KREMEN1: variants seen among roughly 807,000 people sequenced by gnomAD.
KREMEN1 encodes kremen protein 1.
In KREMEN1, 30 loss-of-function variants were observed where a neutral mutation model predicts 46.5. That is an observed-to-expected ratio of 0.65 (90% confidence interval 0.48 to 0.88). The LOEUF is 0.88. Ranked by LOEUF, KREMEN1 falls within the 40% of genes least tolerant of loss-of-function variation. The probability of loss-of-function intolerance (pLI) is 0.00; values close to 1 mark genes in which losing one functional copy is unlikely to be tolerated. For synonymous variants in KREMEN1, 214 were observed against 230.6 expected (o/e 0.93, Z 0.65); for missense variants, 533 against 596.9 (o/e 0.89, Z 1.11).
rs2038775709 is a variant in KREMEN1 at position 29,142,228 on chromosome 22, C to CG, written c.*116_*117insG. On this transcript the variant is annotated 3_prime_UTR_variant, in exon 9 of 9. Coordinates refer to ENST00000400335, the MANE Select transcript of KREMEN1 (RefSeq NM_001039570.3). ...TCCCCTCCTCTCCCTCTGCCTCGGC[C>CG]TCTTCGGGGAAACCCTCCTCCTACA... 7.2e-7 allele frequency: 1 copy of CG among 1,397,608 alleles called. No homozygotes were observed. The highest frequency in any genetic ancestry group is 1.5e-5 in the African/African-American group (1 of 67,806). 86.6% of individuals were successfully genotyped at this position (1,397,608 alleles called of 1,614,324 possible).
intron 9 of KREMEN1, among the ~76,000 whole-genome samples, chr22:29,152,306 C>T (rs1341025954): frequency 6.6e-6 from 1 of 152,200 alleles, no homozygotes; most frequent in Non-Finnish European, 1.5e-5. Flanking sequence ...TCTCCAGATC[C>T]AGGACAGCTG....
chr22:29,164,510 G>A (rs144967796), intron 9 of KREMEN1, among the ~76,000 whole-genome samples: 281 of 152,220 alleles, frequency 1.8e-3, no homozygotes, highest in African/African-American at 6.4e-3. Context: ...AGGAACTGGA[G>A]GCCAAGGCAG....
In KREMEN1 at chr22:29,137,518, G is replaced by A. The variant is rs1208119541; in HGVS notation, c.808G>A (p.Val270Met). ...TGACATCAGGGACTCGGCGGACATGGTGGAGCTTCTGGATGGCTACACCCA... is the reference window on the plus strand; with the variant it reads ...TGACATCAGGGACTCGGCGGACATGATGGAGCTTCTGGATGGCTACACCCA... Reference protein sequence around the residue: ...LFDIRDSADMVELLDGYTHRV... With the variant: ...LFDIRDSADMMELLDGYTHRV... Residue 270 changes from valine to methionine, a missense_variant, in exon 6 of 9, where the codon GTG (valine) becomes ATG (methionine). Coordinates refer to ENST00000400335, the MANE Select transcript of KREMEN1 (RefSeq NM_001039570.3). 5 of 1,612,444 alleles carry A rather than the reference G, an allele frequency of 3.1e-6. No individual in the cohort carries two copies. In the South Asian group the frequency reaches 3.3e-5, roughly 11 times the overall value.
intron 3 of KREMEN1, among the ~76,000 whole-genome samples, chr22:29,119,456 G>A (rs1234246657): frequency 6.6e-6 from 1 of 152,222 alleles, no homozygotes; most frequent in African/African-American, 2.4e-5. Context: ...GTGTGGGACT[G>A]AAAGTTCCAA....
At chr22:29,082,855 G>C (rs968444724) in intron 1 of KREMEN1, among the ~76,000 whole-genome samples, 1 of 152,134 alleles carries the variant, frequency 6.6e-6, no homozygotes, top group Admixed American at 6.5e-5. Context: ...GTTTTCTTTA[G>C]AGCTGGCTTA....
chr22:29,137,316 G>A (rs778962465), intron 5 of KREMEN1, 26 bp from the exon 6 acceptor site: 20 of 1,437,930 alleles, frequency 1.4e-5, no homozygotes, highest in Non-Finnish European at 1.8e-5. Flanking sequence ...CAGACTGAGG[G>A]CGTGGTGTCT....
At position 29,131,746 on chromosome 22, in the gene KREMEN1, A is replaced by G. The variant is rs559704846; in HGVS notation, c.632-5596A>G. Among the ~76,000 whole-genome samples, 305 of 135,600 alleles carry G rather than the reference A, an allele frequency of 2.2e-3. 9 individuals carry two copies. The highest frequency in any genetic ancestry group is 8.6e-3 in the African/African-American group (286 of 33,356). The allele number at this position is 135,600 out of a possible 152,430, so 89.0% of individuals were successfully genotyped here. A position where few individuals can be genotyped will look rare whatever the true frequency, so the allele number is the denominator to read the frequency against. On this transcript the variant is annotated intron_variant, in intron 5 of 8. Coordinates refer to ENST00000400335, the MANE Select transcript of KREMEN1 (RefSeq NM_001039570.3). Reference sequence around the variant, plus strand: ...TATATATGTATATATGTGTATATATATGTATATATGTATATATATATGTAT... The same window carrying G: ...TATATATGTATATATGTGTATATATGTGTATATATGTATATATATATGTAT...
At chr22:29,097,627 G>A (rs546756488) in intron 2 of KREMEN1, among the ~76,000 whole-genome samples, 89 of 151,976 alleles carry the variant, frequency 5.9e-4, no homozygotes, top group African/African-American at 2.0e-3. Flanking sequence ...TTTTTGAGAC[G>A]GAGTTTCGCT....
chr22:29,120,229 A>G (rs2038318603), intron 3 of KREMEN1, among the ~76,000 whole-genome samples: 1 of 129,462 alleles, frequency 7.7e-6, no homozygotes, highest in Non-Finnish European at 1.6e-5. Context: ...GAAATGGAGG[A>G]GGGAGAGGTG....
At chr22:29,147,750 C>T (rs2038883396), downstream of KREMEN1, among the ~76,000 whole-genome samples, 1 of 152,166 alleles carries the variant, frequency 6.6e-6, no homozygotes, top group Non-Finnish European at 1.5e-5. Flanking sequence ...GCCTGGGCCC[C>T]CAAGCCAGTG....
At position 29,137,644 on chromosome 22, in the gene KREMEN1, C is replaced by A; in HGVS notation, c.934C>A (p.Gln312Lys). The change falls in exon 6 of 9, where the codon CAG (glutamine) becomes AAG (lysine). Residue 312 changes from glutamine (Q) to lysine (K), a missense_variant. Physicochemically the swap from Gln to Lys is moderately conservative, Grantham distance 53 (BLOSUM62 1). Transcript: ENST00000400335. ...GTATTTCTTCTCTGATCGCATCAATCAGGCCCAGGGATTTGCTGTTTTATA... is the reference window on the plus strand; with the variant it reads ...GTATTTCTTCTCTGATCGCATCAATAAGGCCCAGGGATTTGCTGTTTTATA... ...ILYFFSDRIN[Q>K]AQGFAVLYQA... The A allele has an allele frequency of 6.2e-7, 1 of 1,604,084 alleles. No individual in the cohort carries two copies. The highest frequency in any genetic ancestry group is 8.5e-7 in the Non-Finnish European group (1 of 1,171,602).
rs965307973 is a variant in KREMEN1, at chr22:29,143,959, A to G, written c.*1847A>G. The G allele has an allele frequency of 5.1e-6, 5 of 985,390 alleles. No homozygotes were observed. The highest frequency in any genetic ancestry group is 5.2e-4 in the Middle Eastern group (1 of 1,916). 61.0% of individuals were successfully genotyped at this position (985,390 alleles called of 1,614,324 possible). ...CTCCAAGGAGCTCCTCCTAAGATTG[A>G]GTGCTGCAGCTGTAGTGGCTGCTGG... is the stretch of plus-strand genomic sequence containing the variant. On this transcript the variant is annotated 3_prime_UTR_variant, in exon 9 of 9. Coordinates refer to ENST00000400335, the MANE Select transcript of KREMEN1 (RefSeq NM_001039570.3).
Position 29,145,748 on chromosome 22 carries a change from G to C in KREMEN1, c.*3636G>C. The stretch of plus-strand genomic sequence containing the variant: ...GGACAGGCTTGAGGCCTCTCTGGGC[G>C]TGAGCGAGGAAACCAGGCTGCTCTA... On this transcript the variant is annotated 3_prime_UTR_variant, in exon 9 of 9. Coordinates refer to ENST00000400335, the MANE Select transcript of KREMEN1 (RefSeq NM_001039570.3). 2.0e-6 allele frequency: 2 copies of C among 985,552 alleles called. No individual in the cohort carries two copies. Among genetic ancestry groups the C allele is most frequent in the Non-Finnish European group, 2.4e-6 (2 of 829,990 alleles). 61.1% of individuals were successfully genotyped at this position (985,552 alleles called of 1,614,324 possible).
intron 5 of KREMEN1, among the ~76,000 whole-genome samples, chr22:29,131,708 A>G (rs1017762969): frequency 1.5e-5 from 2 of 131,626 alleles, no homozygotes; most frequent in Non-Finnish European, 3.1e-5. Flanking sequence ...GTGTATATAT[A>G]TGTATATATG....
rs1336000776 is a variant in KREMEN1 at position 29,133,199 on chromosome 22, G to C, written c.632-4143G>C. ...GGAGGTGAAGCTTGCAGTGAGCAGA[G>C]ATCGCGTCATTGCACTCCAGCCTGG... On this transcript the variant is annotated intron_variant, in intron 5 of 8. Coordinates refer to ENST00000400335, the MANE Select transcript of KREMEN1 (RefSeq NM_001039570.3). 2.1e-5 allele frequency among the ~76,000 whole-genome samples: 3 copies of C among 143,120 alleles called. No individual in the cohort carries two copies. The South Asian group carries it at 6.5e-4, about 31-fold the overall frequency. 93.9% of individuals were successfully genotyped at this position (143,120 alleles called of 152,430 possible). A position where few individuals can be genotyped will look rare whatever the true frequency, so the allele number is the denominator to read the frequency against.
Position 29,073,158 on chromosome 22 carries a change from C to T in KREMEN1, c.28C>T (p.Leu10=), listed in dbSNP as rs1452035390. 6 of 1,149,906 alleles carry T rather than the reference C, an allele frequency of 5.2e-6. No individual in the cohort carries two copies. The highest frequency in any genetic ancestry group is 1.7e-5 in the African/African-American group (1 of 60,438). 71.2% of individuals were successfully genotyped at this position (1,149,906 alleles called of 1,614,324 possible). A position where few individuals can be genotyped will look rare whatever the true frequency, so the allele number is the denominator to read the frequency against. The change falls in exon 1 of 9, where the codon CTG becomes TTG. Residue 10 remains leucine (L), a synonymous_variant. Coordinates refer to ENST00000400335, the MANE Select transcript of KREMEN1 (RefSeq NM_001039570.3). The surrounding 1 kb of genome is among the most constrained non-coding windows in gnomAD (Gnocchi z 4.4). MAPPAARLA[L]LSAAALTLAA... ...GGCGCCGCCAGCCGCCCGCCTCGCC[C>T]TGCTCTCCGCCGCGGCGCTCACGCT...
At chr22:29,092,031 C>T (rs905943224) in intron 1 of KREMEN1, among the ~76,000 whole-genome samples, 3 of 152,036 alleles carry the variant, frequency 2.0e-5, no homozygotes, top group East Asian at 1.9e-4. Flanking sequence ...TTGCAGACAC[C>T]GAGGAAGAGT....
intron 3 of KREMEN1, among the ~76,000 whole-genome samples, chr22:29,108,446 G>A (rs781004913): frequency 1.3e-5 from 2 of 152,194 alleles, no homozygotes; most frequent in Non-Finnish European, 2.9e-5. Context: ...TAGGCACAAT[G>A]ACTCTCAGTT....
chr22:29,105,466 CACACACACACAT>C (rs1025500724), intron 3 of KREMEN1, among the ~76,000 whole-genome samples: 6 of 131,928 alleles, frequency 4.5e-5, no homozygotes, highest in South Asian at 2.5e-4. Flanking sequence ...CGTGTGCGCA[CACACACACACAT>C]ACACACACAC....
Sources: allele counts gnomAD v4.1 joint callset (sites outside exome capture counted in the v4.1 genomes callset), GRCh38; gene constraint gnomAD v4.1.1; non-coding constraint Gnocchi (gnomAD v3.1); transcripts MANE v1.5; gene names NCBI Gene and HGNC (gene_info 2026-07-23, HGNC 2026-07-21).